Variants in ACTR3C observed in about 807,000 individuals in gnomAD.
ACTR3C encodes actin-related protein 3C.
In ACTR3C, 18 loss-of-function variants were observed where a neutral mutation model predicts 26.3. The observed-to-expected ratio is 0.68, with a 90% CI of 0.47 to 1.01. The LOEUF (loss-of-function observed/expected upper bound fraction) is 1.01. ACTR3C is among the 50% of genes least tolerant of loss of function. The pLI, the probability that ACTR3C is intolerant of heterozygous loss-of-function variation, is 0.00. For missense variants in ACTR3C, 184 were observed against 250.7 expected, an observed-to-expected ratio of 0.73 and a Z score of 1.80; for synonymous variants, 55 against 94.5, an observed-to-expected ratio of 0.58 and a Z score of 2.42.
At chr7:150,149,901 A>G in the ACTR3C span, among the ~76,000 whole-genome samples, 152 of 152,352 alleles carry the variant, frequency 1.0e-3, no homozygotes, top group African/African-American at 3.3e-3. Flanking sequence ...TGGATTTTAT[A>G]TGTGCACACT....
At chr7:150,249,646 G>T (rs1280859692) in intron 6 of ACTR3C, among the ~76,000 whole-genome samples, 2 of 152,092 alleles carry the variant, frequency 1.3e-5, no homozygotes, top group Non-Finnish European at 2.9e-5. Flanking sequence ...GTAGAGATGG[G>T]GTTTCGCCAT....
At chr7:150,146,676 G>T in the ACTR3C span, among the ~76,000 whole-genome samples, 1 of 152,046 alleles carries the variant, frequency 6.6e-6, no homozygotes, top group Non-Finnish European at 1.5e-5. Context: ...CAAAACATCC[G>T]GGGATGCCTT....
chr7:150,054,393 G>A, the ACTR3C span, among the ~76,000 whole-genome samples: 1 of 152,242 alleles, frequency 6.6e-6, no homozygotes, highest in Non-Finnish European at 1.5e-5. Flanking sequence ...CTAATGGGAT[G>A]TGCGTGGACA....
chr7:150,312,303 A>T (rs1408891673), intron 1 of ACTR3C, among the ~76,000 whole-genome samples: 1 of 152,214 alleles, frequency 6.6e-6, no homozygotes, highest in Non-Finnish European at 1.5e-5. Flanking sequence ...TCCAGGAGAC[A>T]AAGATTATTT....
chr7:150,071,230 T>G, the ACTR3C span, among the ~76,000 whole-genome samples: 2 of 151,312 alleles, frequency 1.3e-5, no homozygotes, highest in African/African-American at 4.9e-5. Context: ...TTCATGCCAT[T>G]CTCCTGCCTC....
chr7:150,138,972 T>C, the ACTR3C span, among the ~76,000 whole-genome samples: 2 of 152,306 alleles, frequency 1.3e-5, no homozygotes, highest in African/African-American at 4.8e-5. Context: ...CATCCCCAGA[T>C]GGGACTGTCT....
Position 150,248,821 on chromosome 7 carries a change from A to T in ACTR3C, c.*38+127T>A, listed in dbSNP as rs545446339. On this transcript the variant is annotated intron_variant, in intron 7 of 7. Transcript: ENST00000683684. ...TCAGGTGCTGGGATTACCTGCAAAGAATTTTAGAATAATTGTCATAAAAAT... is the reference window on the plus strand; with the variant it reads ...TCAGGTGCTGGGATTACCTGCAAAGTATTTTAGAATAATTGTCATAAAAAT... 9.9e-5 allele frequency: 43 copies of T among 433,550 alleles called. No homozygotes were observed. The East Asian group carries it at 1.4e-3, about 14-fold the overall frequency. The allele number at this position is 433,550 out of a possible 1,614,324, so 26.9% of individuals were successfully genotyped here. A position where few individuals can be genotyped will look rare whatever the true frequency, so the allele number is the denominator to read the frequency against.
the ACTR3C span, among the ~76,000 whole-genome samples, chr7:150,042,310 A>T: frequency 9.5e-5 from 4 of 42,220 alleles, no homozygotes; most frequent in South Asian, 9.6e-4. Context: ...CAGGGGGGGA[A>T]GAGGGACTGG....
At chr7:149,931,802 GA>G in the ACTR3C span, among the ~76,000 whole-genome samples, 1 of 152,134 alleles carries the variant, frequency 6.6e-6, no homozygotes, top group Non-Finnish European at 1.5e-5. Flanking sequence ...AAAGGCAGGA[GA>G]GGTATTAGTT....
chr7:150,302,106 TAAAA>T (rs1263008187), intron 1 of ACTR3C, among the ~76,000 whole-genome samples: 1 of 151,844 alleles, frequency 6.6e-6, no homozygotes, highest in East Asian at 1.9e-4. Flanking sequence ...CAACGATACG[TAAAA>T]GAGCACAGGG....
At chr7:150,200,977 T>C in the ACTR3C span, among the ~76,000 whole-genome samples, 1 of 152,268 alleles carries the variant, frequency 6.6e-6, no homozygotes, top group Non-Finnish European at 1.5e-5. Context: ...ACAGTAAATG[T>C]ACATTATTTA....
At chr7:150,036,735 C>T in the ACTR3C span, among the ~76,000 whole-genome samples, 19 of 138,152 alleles carry the variant, frequency 1.4e-4, 3 homozygotes, top group South Asian at 2.2e-3. Flanking sequence ...TCGGACCCGT[C>T]GGATCGTAAA....
At chr7:150,119,534 C>G in the ACTR3C span, among the ~76,000 whole-genome samples, 5 of 152,188 alleles carry the variant, frequency 3.3e-5, no homozygotes, top group African/African-American at 9.7e-5. Flanking sequence ...GAAGAGCTAA[C>G]TATCCTAAAT....
chr7:149,925,591 C>T, the ACTR3C span, among the ~76,000 whole-genome samples: 23 of 152,268 alleles, frequency 1.5e-4, no homozygotes, highest in African/African-American at 5.5e-4. Flanking sequence ...ATGATAAAGG[C>T]AGCATCTCCA....
At chr7:150,187,350 G>A in the ACTR3C span, among the ~76,000 whole-genome samples, 1 of 151,980 alleles carries the variant, frequency 6.6e-6, no homozygotes, top group Admixed American at 6.6e-5. Flanking sequence ...TTGTAAAAAT[G>A]TTACAAATAT....
At chr7:150,209,938 AT>A in the ACTR3C span, among the ~76,000 whole-genome samples, 1 of 147,530 alleles carries the variant, frequency 6.8e-6, no homozygotes, top group African/African-American at 2.6e-5. Flanking sequence ...AAAAAAAAAG[AT>A]TTATTTATAG....
At chr7:150,130,267 T>G in the ACTR3C span, among the ~76,000 whole-genome samples, 1 of 152,112 alleles carries the variant, frequency 6.6e-6, no homozygotes, top group African/African-American at 2.4e-5. Context: ...GAGACAAAAC[T>G]TTCTTAAATA....
At chr7:150,071,719 G>A in the ACTR3C span, among the ~76,000 whole-genome samples, 35 of 151,160 alleles carry the variant, frequency 2.3e-4, no homozygotes, top group African/African-American at 7.8e-4. Flanking sequence ...GAGCTTGGAA[G>A]AGGAAGAAAA....
At chr7:150,303,990 G>A (rs1414029939) in intron 1 of ACTR3C, among the ~76,000 whole-genome samples, 2 of 152,140 alleles carry the variant, frequency 1.3e-5, no homozygotes, top group East Asian at 1.9e-4. Context: ...TCTGGATAAA[G>A]ATAGAAAATT....
Sources: allele counts gnomAD v4.1 joint callset (sites outside exome capture counted in the v4.1 genomes callset), GRCh38; gene constraint gnomAD v4.1.1; transcripts MANE v1.5; gene names NCBI Gene and HGNC (gene_info 2026-07-23, HGNC 2026-07-21).